Variants in ART3 observed in about 807,000 individuals in gnomAD.
ART3 encodes the protein ecto-ADP-ribosyltransferase 3.
In ART3, 49 loss-of-function variants were observed where a neutral mutation model predicts 48.5. The observed-to-expected ratio is 1.01, with a 90% CI of 0.80 to 1.28. The LOEUF (loss-of-function observed/expected upper bound fraction) is 1.28. ART3 is among the 50% of genes most tolerant of loss of function. ART3 has a pLI of 0.00. For synonymous variants in ART3, 145 were observed against 157.2 expected (o/e 0.92, Z 0.58); for missense variants, 438 against 454.3 (o/e 0.96, Z 0.33).
chr4:76,060,978 T>G (rs1420957236), intron 1 of ART3, among the ~76,000 whole-genome samples: 1 of 152,216 alleles, frequency 6.6e-6, no homozygotes, highest in Non-Finnish European at 1.5e-5. Flanking sequence ...CTGCCAACAC[T>G]TTGATTTTAG....
chr4:76,067,839 G>A (rs1476574718), intron 1 of ART3, among the ~76,000 whole-genome samples: 5 of 152,160 alleles, frequency 3.3e-5, no homozygotes, highest in African/African-American at 1.2e-4. Context: ...TCTTGTTCTG[G>A]TGCTGACCTC....
intron 1 of ART3, among the ~76,000 whole-genome samples, chr4:76,036,368 G>T (rs1210930906): frequency 6.6e-6 from 1 of 152,162 alleles, no homozygotes; most frequent in Non-Finnish European, 1.5e-5. Context: ...ATTCATTCAG[G>T]AAGACTGTGT....
intron 1 of ART3, chr4:76,035,338 G>A: frequency 6.2e-7 from 1 of 1,613,864 alleles, no homozygotes; most frequent in East Asian, 2.2e-5. Flanking sequence ...TGAACATGGG[G>A]AAGCCTAGAA....
chr4:76,081,650 AAAAG>A (rs1344942241), intron 2 of ART3, among the ~76,000 whole-genome samples, 170 bp from the exon 3 acceptor site: 1 of 152,208 alleles, frequency 6.6e-6, no homozygotes, highest in Non-Finnish European at 1.5e-5. Flanking sequence ...CACAGCTGAG[AAAAG>A]TTATCAATAG....
chr4:76,099,688 T>G, intron 5 of ART3: 1 of 153,566 alleles, frequency 6.5e-6, no homozygotes, highest in Admixed American at 6.5e-5. Context: ...TGCTTGATGT[T>G]TACTATGATT....
chr4:76,092,068 C>T (rs533868266), intron 3 of ART3, among the ~76,000 whole-genome samples: 36 of 152,260 alleles, frequency 2.4e-4, no homozygotes, highest in African/African-American at 7.0e-4. Context: ...GTATTCTTTT[C>T]TTGCAAAGTT....
intron 1 of ART3, among the ~76,000 whole-genome samples, chr4:76,012,968 CTT>C (rs1331415193): frequency 6.6e-6 from 1 of 152,164 alleles, no homozygotes; most frequent in Non-Finnish European, 1.5e-5. Flanking sequence ...ATCCACCAAA[CTT>C]TTATTCTTAT....
At chr4:76,079,435 A>T (rs986313995) in intron 2 of ART3, among the ~76,000 whole-genome samples, 2 of 152,234 alleles carry the variant, frequency 1.3e-5, no homozygotes, top group Admixed American at 1.3e-4. Context: ...AGGTTCTTTG[A>T]ACATTCAAGT....
intron 10 of ART3, chr4:76,105,752 T>C: frequency 1.0e-6 from 1 of 985,458 alleles, no homozygotes; most frequent in Non-Finnish European, 1.2e-6. Flanking sequence ...TACGGTTCTC[T>C]GGGCCAAACA....
intron 3 of ART3, among the ~76,000 whole-genome samples, chr4:76,087,820 CT>C (rs1270316455): frequency 6.6e-6 from 1 of 152,156 alleles, no homozygotes; most frequent in East Asian, 1.9e-4. Context: ...AACCTTTCTC[CT>C]TCCTCAATAG....
chr4:76,097,231 G>A (rs562267969), intron 3 of ART3, among the ~76,000 whole-genome samples: 1 of 152,010 alleles, frequency 6.6e-6, no homozygotes, highest in Non-Finnish European at 1.5e-5. Flanking sequence ...TTGAGATAGG[G>A]TCTCACTCTG....
chr4:76,016,401 T>A (rs1345853288), intron 1 of ART3, among the ~76,000 whole-genome samples: 1 of 152,212 alleles, frequency 6.6e-6, no homozygotes, highest in Non-Finnish European at 1.5e-5. Context: ...TTCTCTTCCC[T>A]TAGTTTCTCC....
intron 1 of ART3, among the ~76,000 whole-genome samples, chr4:76,029,061 T>G (rs1394860138): frequency 6.6e-6 from 1 of 152,214 alleles, no homozygotes; most frequent in African/African-American, 2.4e-5. Flanking sequence ...ACAAAATAAA[T>G]TAGAATTTTG....
upstream of ART3, among the ~76,000 whole-genome samples, chr4:76,071,186 G>A (rs1250043826): frequency 1.3e-5 from 2 of 151,730 alleles, no homozygotes; most frequent in Non-Finnish European, 2.9e-5. Context: ...CCCGTCTCTA[G>A]TAAAAATACA....
At chr4:76,091,103 G>A (rs1025558264) in intron 3 of ART3, among the ~76,000 whole-genome samples, 1 of 152,192 alleles carries the variant, frequency 6.6e-6, no homozygotes, top group Non-Finnish European at 1.5e-5. Context: ...TTATGCTGTT[G>A]TAGAATAGTG....
intron 1 of ART3, among the ~76,000 whole-genome samples, chr4:76,069,546 C>T (rs1301174889): frequency 2.6e-5 from 4 of 151,890 alleles, no homozygotes; most frequent in African/African-American, 4.8e-5. Flanking sequence ...CGCGCCACCA[C>T]ACTTGGCTAA....
chr4:76,068,175 CTT>C (rs1719929714), intron 1 of ART3, among the ~76,000 whole-genome samples: 1 of 152,090 alleles, frequency 6.6e-6, no homozygotes, highest in Admixed American at 6.5e-5. Context: ...TTAGGTATGA[CTT>C]ATGTAAATAA....
chr4:76,015,265 C>A (rs1049090769), intron 1 of ART3, among the ~76,000 whole-genome samples: 2 of 152,112 alleles, frequency 1.3e-5, no homozygotes, highest in Admixed American at 6.5e-5. Flanking sequence ...TAATCTGTGA[C>A]AATAACAATT....
At chr4:76,050,798 C>A (rs962051827) in intron 1 of ART3, among the ~76,000 whole-genome samples, 4 of 152,208 alleles carry the variant, frequency 2.6e-5, no homozygotes, top group Non-Finnish European at 4.4e-5. Context: ...CTGAGCCCTG[C>A]CCCGCAGGAA....
Sources: gnomAD v4.1 joint callset for allele counts (sites outside exome capture counted in the v4.1 genomes callset) on GRCh38, gnomAD v4.1.1 for gene constraint, MANE v1.5 for transcripts, NCBI Gene and HGNC (gene_info 2026-07-23, HGNC 2026-07-21) for gene names.